Variants in PAXIP1 observed in about 807,000 individuals in gnomAD.
PAXIP1 encodes PAX-interacting protein 1.
In PAXIP1, 19 loss-of-function variants were observed where a neutral mutation model predicts 140.6. The observed-to-expected ratio is 0.14, with a 90% CI of 0.09 to 0.20. The LOEUF (loss-of-function observed/expected upper bound fraction) is 0.20. Ranked by LOEUF, PAXIP1 falls within the 10% of genes least tolerant of loss-of-function variation. The pLI, the probability that PAXIP1 is intolerant of heterozygous loss-of-function variation, is 1.00. For synonymous variants in PAXIP1, 442 were observed against 444.6 expected, an observed-to-expected ratio of 0.99 and a Z score of 0.07; for missense variants, 920 against 1,208.6, an observed-to-expected ratio of 0.76 and a Z score of 3.54.
At chr7:154,972,824 G>A (rs906176835) in intron 6 of PAXIP1, among the ~76,000 whole-genome samples, 3 of 152,220 alleles carry the variant, frequency 2.0e-5, no homozygotes, top group Non-Finnish European at 4.4e-5. Context: ...CACCTCAGCA[G>A]TATCATCACT....
chr7:154,980,055 T>C (rs1028721553), intron 5 of PAXIP1, among the ~76,000 whole-genome samples: 2 of 152,148 alleles, frequency 1.3e-5, no homozygotes, highest in African/African-American at 4.8e-5. Context: ...AAGGAAATGG[T>C]TGAGGGAATG....
chr7:154,975,235 C>G (rs1262910220), intron 6 of PAXIP1, among the ~76,000 whole-genome samples: 2 of 152,016 alleles, frequency 1.3e-5, no homozygotes, highest in African/African-American at 2.4e-5. Flanking sequence ...TCAATAAGCT[C>G]CATGCTATAT....
chr7:154,953,262 G>A (rs1373213699), intron 16 of PAXIP1, among the ~76,000 whole-genome samples: 1 of 152,164 alleles, frequency 6.6e-6, no homozygotes, highest in Admixed American at 6.5e-5. Flanking sequence ...GGTCGGGGGC[G>A]AGGGAGGCAT....
Position 154,961,204 on chromosome 7 carries a change from G to C in PAXIP1, c.2250-127C>G, listed in dbSNP as rs184796777. On this transcript the variant is annotated intron_variant, in intron 11 of 20. Coordinates refer to ENST00000404141, the MANE Select transcript of PAXIP1 (RefSeq NM_007349.4). ...TAATAGAAGTGGGAGGCATATCCTA[G>C]CAAAGTTGAGGGTGACCCTGAATGG... 8.0e-6 allele frequency: 6 copies of C among 749,090 alleles called. No individual in the cohort carries two copies. The East Asian group carries it at 1.6e-4, about 20-fold the overall frequency. 46.4% of individuals were successfully genotyped at this position (749,090 alleles called of 1,614,324 possible).
chr7:154,960,447 G>T (rs1354419970), intron 12 of PAXIP1, among the ~76,000 whole-genome samples: 1 of 152,208 alleles, frequency 6.6e-6, no homozygotes, highest in Non-Finnish European at 1.5e-5. Flanking sequence ...TTGGACAAAA[G>T]ATTAACTGGC....
intron 1 of PAXIP1, among the ~76,000 whole-genome samples, chr7:154,999,094 G>C (rs1047147579): frequency 7.2e-5 from 11 of 152,240 alleles, no homozygotes; most frequent in Non-Finnish European, 1.3e-4. Context: ...CACAACCACT[G>C]CTGCGGTGGG....
chr7:154,944,977 TA>T (rs1807871928), intron 20 of PAXIP1: 1 of 141,692 alleles, frequency 7.1e-6, no homozygotes, highest in Non-Finnish European at 1.5e-5. Flanking sequence ...AGGCAAATTT[TA>T]CTTCTTTTTT....
chr7:154,989,112 T>C (rs187224953), intron 4 of PAXIP1, among the ~76,000 whole-genome samples: 121 of 152,360 alleles, frequency 7.9e-4, no homozygotes, highest in African/African-American at 2.8e-3. Context: ...ATTTTGCTAC[T>C]TGAAGGATCT....
At chr7:154,961,669 A>T (rs1808760734) in intron 10 of PAXIP1, 21 bp from the exon 11 acceptor site, 1 of 1,563,448 alleles carries the variant, frequency 6.4e-7, no homozygotes, top group East Asian at 2.3e-5. Context: ...AAGAGAAAAT[A>T]AGGTAAACAC....
chr7:154,948,283 T>C (rs1455624407), intron 16 of PAXIP1: 2 of 346,366 alleles, frequency 5.8e-6, no homozygotes, highest in African/African-American at 2.1e-5. Context: ...TGGTGGTTCA[T>C]GCCTGTAATT....
chr7:154,968,035 G>A (rs1809100524), intron 7 of PAXIP1, 125 bp from the exon 8 acceptor site: 1 of 631,578 alleles, frequency 1.6e-6, no homozygotes, highest in African/African-American at 1.8e-5. Flanking sequence ...TGACGTATCT[G>A]CCAGTAATCA....
chr7:154,947,948 G>A lies in PAXIP1; in HGVS notation c.2877C>T (p.Ser959=). ...GTGCCCGTTTTAAGGATTCTTCCAA[G>A]CTGAAAGAGAAAAGTACTTCTGCCT... ...DAEAEVLFSF[S]LEESLKRAHV... The change falls in exon 17 of 21, where the codon AGC becomes AGT. Residue 959 remains serine (S), a synonymous_variant. Coordinates refer to ENST00000404141, the MANE Select transcript of PAXIP1 (RefSeq NM_007349.4). The A allele has an allele frequency of 6.2e-7, 1 of 1,613,538 alleles. No individual in the cohort carries two copies. The highest frequency in any genetic ancestry group is 8.5e-7 in the Non-Finnish European group (1 of 1,179,492).
intron 16 of PAXIP1, among the ~76,000 whole-genome samples, chr7:154,953,762 A>G (rs74448192): frequency 0.028 from 4,270 of 152,320 alleles, 188 homozygotes; most frequent in African/African-American, 0.096. Context: ...TATCCTTTAC[A>G]TACCATGTCT....
chr7:154,965,951 G>T (rs537842641), intron 8 of PAXIP1, among the ~76,000 whole-genome samples: 1 of 152,020 alleles, frequency 6.6e-6, no homozygotes, highest in Non-Finnish European at 1.5e-5. Context: ...TCTCTCTTCC[G>T]GTCCCAGGTC....
chr7:154,960,481 G>C (rs1453717556), intron 12 of PAXIP1, among the ~76,000 whole-genome samples: 2 of 152,186 alleles, frequency 1.3e-5, no homozygotes, highest in Non-Finnish European at 2.9e-5. Context: ...CTATCAAAAA[G>C]CTTTCAAGCG....
intron 5 of PAXIP1, among the ~76,000 whole-genome samples, chr7:154,981,581 T>A (rs1236678569): frequency 6.6e-6 from 1 of 152,222 alleles, no homozygotes; most frequent in Non-Finnish European, 1.5e-5. Context: ...ATACATTATA[T>A]ATATCACGTT....
At position 154,946,927 on chromosome 7, in the gene PAXIP1, C is replaced by T. The variant is rs1051626454; in HGVS notation, c.2923-114G>A. 2 of 745,274 alleles carry T rather than the reference C, an allele frequency of 2.7e-6. No homozygotes were observed. Among genetic ancestry groups the T allele is most frequent in the African/African-American group, 3.5e-5 (2 of 56,674 alleles). 46.2% of individuals were successfully genotyped at this position (745,274 alleles called of 1,614,324 possible). A position where few individuals can be genotyped will look rare whatever the true frequency, so the allele number is the denominator to read the frequency against. ...TTTGACAAAATTTCAAATTTTATGA[C>T]ATTATGAAGGTACTATTCTCCTACT... On this transcript the variant is annotated intron_variant, in intron 17 of 20. Coordinates refer to ENST00000404141, the MANE Select transcript of PAXIP1 (RefSeq NM_007349.4). This position sits in a 1 kb window ranked among gnomAD's most constrained non-coding sequence, Gnocchi z 4.9.
In PAXIP1 at chr7:154,961,511, T is replaced by G; in HGVS notation, c.2249+16A>C. ...TGTAAATTTATGATTAAAAACAGTT[T>G]CGAAAATTTGCTTACTCTTTACAGA... On this transcript the variant is annotated intron_variant, in intron 11 of 20. Coordinates refer to ENST00000404141, the MANE Select transcript of PAXIP1 (RefSeq NM_007349.4). 1 of 1,570,022 alleles carries G rather than the reference T, an allele frequency of 6.4e-7. No individual in the cohort carries two copies. Among genetic ancestry groups the G allele is most frequent in the Non-Finnish European group, 8.6e-7 (1 of 1,156,680 alleles).
intron 3 of PAXIP1, among the ~76,000 whole-genome samples, chr7:154,992,416 G>A (rs971602223): frequency 2.0e-5 from 3 of 152,072 alleles, no homozygotes; most frequent in Admixed American, 6.6e-5. Flanking sequence ...GCGTGGTGGC[G>A]CATGCCTGTA....
Sources: allele counts gnomAD v4.1 joint callset (sites outside exome capture counted in the v4.1 genomes callset), GRCh38; gene constraint gnomAD v4.1.1; non-coding constraint Gnocchi (gnomAD v3.1); transcripts MANE v1.5; gene names NCBI Gene and HGNC (gene_info 2026-07-23, HGNC 2026-07-21).